Variants in RABGAP1 observed in about 807,000 individuals in gnomAD.
RABGAP1 encodes the protein RAB GTPase activating protein 1.
RABGAP1 carries 23 observed loss-of-function variants against 137.6 expected under a neutral mutation model. The ratio of observed to expected loss-of-function variants is 0.17; its 90% CI spans 0.12 to 0.24. The LOEUF (loss-of-function observed/expected upper bound fraction) is 0.24, where lower values mean the gene tolerates loss of function less well. Among genes scored for constraint, RABGAP1 ranks in the 10% least tolerant of loss-of-function variants. The pLI, the probability that RABGAP1 is intolerant of heterozygous loss-of-function variation, is 1.00. For synonymous variants in RABGAP1, 451 were observed against 450.7 expected, an observed-to-expected ratio of 1.00 and a Z score of -0.01; for missense variants, 906 against 1,275.8, an observed-to-expected ratio of 0.71 and a Z score of 4.42.
At chr9:123,044,065 T>C (rs907907440) in intron 13 of RABGAP1, among the ~76,000 whole-genome samples, 7 of 151,952 alleles carry the variant, frequency 4.6e-5, no homozygotes, top group Admixed American at 2.0e-4. Flanking sequence ...CATGCATGGC[T>C]AGTTTTTTTT....
At chr9:123,016,294 C>T (rs533957685) in intron 12 of RABGAP1, among the ~76,000 whole-genome samples, 1 of 152,070 alleles carries the variant, frequency 6.6e-6, no homozygotes, top group East Asian at 1.9e-4. Context: ...ATTGCTTGAG[C>T]CCAGGAATTC....
chr9:123,095,606 A>G (rs893814188), intron 21 of RABGAP1, among the ~76,000 whole-genome samples: 3 of 151,894 alleles, frequency 2.0e-5, no homozygotes, highest in African/African-American at 7.3e-5. Flanking sequence ...GGAGGCTGAG[A>G]TGGGAGTATT....
intron 11 of RABGAP1, among the ~76,000 whole-genome samples, chr9:123,014,950 T>TG (rs2131897457): frequency 6.6e-6 from 1 of 152,220 alleles, no homozygotes; most frequent in South Asian, 2.1e-4. Context: ...GAGAACAGCA[T>TG]GGGGGAAACC....
Position 122,962,039 on chromosome 9 carries a change from ATAAT to A in RABGAP1, c.150+4832_150+4835del, listed in dbSNP as rs1310083079. 2.6e-5 allele frequency among the ~76,000 whole-genome samples: 4 copies of A among 152,330 alleles called. No homozygotes were observed. The South Asian group carries it at 6.2e-4, about 24-fold the overall frequency. On this transcript the variant is annotated intron_variant, in intron 2 of 25. Coordinates refer to ENST00000373647, the MANE Select transcript of RABGAP1 (RefSeq NM_012197.4). ...GGTATATATAAAATTATATAAAGTA[ATAAT>A]TGTGACAATGTATTGTTGGACTTCT...
intron 6 of RABGAP1, among the ~76,000 whole-genome samples, chr9:122,991,602 TCTC>T (rs974841988): frequency 7.0e-6 from 1 of 142,060 alleles, no homozygotes; most frequent in African/African-American, 3.1e-5. Context: ...ATTCTCTCTC[TCTC>T]TTTTTTTTTT....
intron 19 of RABGAP1, among the ~76,000 whole-genome samples, chr9:123,083,914 A>G (rs1184119838): frequency 6.6e-6 from 1 of 152,212 alleles, no homozygotes; most frequent in Non-Finnish European, 1.5e-5. Context: ...AGTCAGTTCA[A>G]GTCAACAAAC....
chr9:122,974,591 A>G (rs1835669599), intron 2 of RABGAP1, among the ~76,000 whole-genome samples: 1 of 152,058 alleles, frequency 6.6e-6, no homozygotes, highest in Admixed American at 6.6e-5. Flanking sequence ...CAGGAGTTCT[A>G]GACCAGCCTA....
At chr9:122,953,470 C>T (rs998553374) in intron 1 of RABGAP1, among the ~76,000 whole-genome samples, 3 of 151,400 alleles carry the variant, frequency 2.0e-5, no homozygotes, top group African/African-American at 7.3e-5. Flanking sequence ...GGCACAATCT[C>T]AGCTCACTGC....
chr9:122,972,391 G>A (rs964270585), intron 2 of RABGAP1, among the ~76,000 whole-genome samples: 5 of 152,214 alleles, frequency 3.3e-5, no homozygotes, highest in Non-Finnish European at 7.3e-5. Flanking sequence ...CGCTCATACA[G>A]CTTCATCTGG....
intron 13 of RABGAP1, among the ~76,000 whole-genome samples, chr9:123,043,648 G>A (rs1216523370): frequency 6.6e-6 from 1 of 151,726 alleles, no homozygotes; most frequent in Non-Finnish European, 1.5e-5. Context: ...GTGAGGGGAA[G>A]GAGGGTGGGT....
At chr9:122,985,619 A>AAAAAAAAAAAAAAAAAT (rs1836331224) in intron 3 of RABGAP1, among the ~76,000 whole-genome samples, 1 of 151,316 alleles carries the variant, frequency 6.6e-6, no homozygotes, top group Non-Finnish European at 1.5e-5. Context: ...CTCAAAAAAA[A>AAAAAAAAAAAAAAAAAT]AAAAAAAAAA....
At chr9:123,034,602 C>T (rs553472419) in intron 13 of RABGAP1, 1 of 1,612,328 alleles carries the variant, frequency 6.2e-7, no homozygotes, top group East Asian at 2.2e-5. Context: ...AGAGCAGCCA[C>T]CCTTTTTGCC....
chr9:123,072,984 G>A (rs184167065), intron 15 of RABGAP1, among the ~76,000 whole-genome samples: 119 of 152,296 alleles, frequency 7.8e-4, no homozygotes, highest in Non-Finnish European at 1.2e-3. Flanking sequence ...GTAAATAGAA[G>A]TGAAGGAGGC....
intron 16 of RABGAP1, 33 bp downstream of exon 16, chr9:123,073,710 A>T: frequency 6.2e-7 from 1 of 1,613,124 alleles, no homozygotes; most frequent in Non-Finnish European, 8.5e-7. Flanking sequence ...GTTTGACAAA[A>T]AGAGTACAGG....
chr9:123,010,387 A>C lies in RABGAP1; in HGVS notation c.1408A>C (p.Thr470Pro). Residue 470 changes from threonine (T) to proline (P), a missense_variant, in exon 11 of 26, where the codon ACT becomes CCT. Physicochemically the swap from Thr to Pro is conservative, Grantham distance 38. This residue lies in a region of RABGAP1 where 212 missense variants were observed against 289.4 expected (regional missense o/e 0.73). Transcript: ENST00000373647. ...AAGGGAGAGAAAGAATAATACTGAC[A>C]CTTTATATGAAGTTGTATGCTTGGA... The part of the protein sequence containing the change: ...KQRERKNNTD[T>P]LYEVVCLESE... The C allele has an allele frequency of 1.4e-5, 23 of 1,613,342 alleles. No individual in the cohort carries two copies. The highest frequency in any genetic ancestry group is 2.0e-5 in the Non-Finnish European group (23 of 1,179,346).
chr9:123,046,521 G>T (rs941418516), intron 13 of RABGAP1, among the ~76,000 whole-genome samples: 12 of 152,124 alleles, frequency 7.9e-5, no homozygotes, highest in Admixed American at 2.0e-4. Flanking sequence ...CTAGCTGTGA[G>T]ACCTGGGGCA....
At chr9:122,953,386 TTAG>T (rs1316416265) in intron 1 of RABGAP1, among the ~76,000 whole-genome samples, 1 of 152,144 alleles carries the variant, frequency 6.6e-6, no homozygotes, top group Admixed American at 6.5e-5. Context: ...GCTCATACTA[TTAG>T]TAGTAGAACC....
At chr9:123,052,129 T>C (rs2033509790) in intron 13 of RABGAP1, among the ~76,000 whole-genome samples, 1 of 152,110 alleles carries the variant, frequency 6.6e-6, no homozygotes, top group Admixed American at 6.5e-5. Flanking sequence ...TTAAAAAATA[T>C]ATTAGAAATT....
chr9:123,050,072 C>T (rs2033388845), intron 13 of RABGAP1, among the ~76,000 whole-genome samples: 5 of 152,206 alleles, frequency 3.3e-5, no homozygotes, highest in African/African-American at 1.2e-4. Context: ...TAAAGTCCAT[C>T]GTCTGCATTC....
Sources: allele counts gnomAD v4.1 joint callset (sites outside exome capture counted in the v4.1 genomes callset), GRCh38; gene constraint gnomAD v4.1.1; regional missense constraint gnomAD v4.1.1; transcripts MANE v1.5; gene names NCBI Gene and HGNC (gene_info 2026-07-23, HGNC 2026-07-21).